The following TEDC1 variants were observed in gnomAD, a reference collection of about 807,000 sequenced individuals.
TEDC1 encodes the protein tubulin epsilon and delta complex 1.
In TEDC1, 54 loss-of-function variants were observed where a neutral mutation model predicts 59.9. The observed-to-expected ratio is 0.90, with a 90% CI of 0.72 to 1.13. The LOEUF (loss-of-function observed/expected upper bound fraction) is 1.13. Among genes scored for constraint, TEDC1 ranks in the 50% most tolerant of loss-of-function variants. The pLI is 0.00. For synonymous variants in TEDC1, 353 were observed against 298.1 expected (o/e 1.18, Z -1.90); for missense variants, 734 against 683.4 (o/e 1.07, Z -0.83).
chr14:105,492,763 G>A lies in TEDC1; in HGVS notation c.585+29G>A, dbSNP rs144433463. On this transcript the variant is annotated intron_variant, in intron 4 of 8. Coordinates refer to ENST00000392523, the MANE Select transcript of TEDC1 (RefSeq NM_001367178.1). ...GAGCTGGCACAGGGCTTCCACTCAG[G>A]GGCTGTGTCCCGTGCTGCAGGCCGC... 8 of 1,536,014 alleles carry A rather than the reference G, an allele frequency of 5.2e-6. No individual in the cohort carries two copies. In the African/African-American group the frequency reaches 9.6e-5, roughly 18 times the overall value.
intron 2 of TEDC1, 54 bp downstream of exon 2, chr14:105,491,754 T>C (rs1191910291): frequency 1.9e-5 from 28 of 1,481,814 alleles, no homozygotes; most frequent in Non-Finnish European, 2.5e-5. Context: ...CGCCTACTCC[T>C]GTAAAGCCCC....
chr14:105,496,944 C>A (rs1270837664), intron 6 of TEDC1: 3 of 249,638 alleles, frequency 1.2e-5, no homozygotes, highest in African/African-American at 4.7e-5. Flanking sequence ...CGCCTGCAGT[C>A]CCCGGATACA....
chr14:105,495,693 C>A, intron 5 of TEDC1, 187 bp from the exon 6 acceptor site: 1 of 597,156 alleles, frequency 1.7e-6, no homozygotes, highest in Non-Finnish European at 2.9e-6. Flanking sequence ...GGCTTCTGGC[C>A]CCTGGGACCC....
intron 6 of TEDC1, chr14:105,496,830 A>G (rs73371856): frequency 0.034 from 5,727 of 167,566 alleles, 310 homozygotes; most frequent in African/African-American, 0.11. Context: ...CACCTGGGTC[A>G]CTAGGCAGAC....
Position 105,499,166 on chromosome 14 carries a change from C to T in TEDC1, c.*220C>T, listed in dbSNP as rs968444987. The T allele has an allele frequency of 6.8e-5, 40 of 588,454 alleles. No individual in the cohort carries two copies. Among genetic ancestry groups the T allele is most frequent in the Admixed American group, 1.6e-4 (5 of 31,958 alleles). The allele number at this position is 588,454 out of a possible 1,614,324, so 36.5% of individuals were successfully genotyped here. A position where few individuals can be genotyped will look rare whatever the true frequency, so the allele number is the denominator to read the frequency against. ...GGAATGGCTGGTCCCTTGAGGAGGT[C>T]GTGACAGGCTCAGCCTGGTGGTCTG... On this transcript the variant is annotated 3_prime_UTR_variant, in exon 9 of 9. Coordinates refer to ENST00000392523, the MANE Select transcript of TEDC1 (RefSeq NM_001367178.1).
chr14:105,494,509 G>A (rs868912631), intron 5 of TEDC1: 1 of 154,736 alleles, frequency 6.5e-6, no homozygotes, highest in Non-Finnish European at 1.4e-5. Context: ...ACCACCCGGG[G>A]GCACGGCGCT....
At position 105,492,593 on chromosome 14, in the gene TEDC1, C is replaced by T. The variant is rs782016272; in HGVS notation, c.444C>T (p.Ala148=). Residue 148 remains alanine, a synonymous_variant, in exon 4 of 9, where the codon GCC becomes GCT. Transcript: ENST00000392523. The stretch of plus-strand genomic sequence containing the variant: ...CCCCTCTCCAGTGTGAGGCCCTGGC[C>T]AGCCCTGGCCCACCTGCACCCCACA... ...EMTVCQCEAL[A]SPGPPAPHME... 13 of 1,539,644 alleles carry T rather than the reference C, an allele frequency of 8.4e-6. No homozygotes were observed. The highest frequency in any genetic ancestry group is 2.0e-5 in the Admixed American group (1 of 50,974).
At position 105,493,825 on chromosome 14, in the gene TEDC1, C is replaced by A; in HGVS notation, c.586-10C>A. On this transcript the variant is annotated splice_polypyrimidine_tract_variant and intron_variant, in intron 4 of 8. Coordinates refer to ENST00000392523, the MANE Select transcript of TEDC1 (RefSeq NM_001367178.1). ...GCCACTCAGCCTGGGGTCTGCACTACCTGTTTTAGATCCACCTGTACACAC... is the reference window on the plus strand; with the variant it reads ...GCCACTCAGCCTGGGGTCTGCACTAACTGTTTTAGATCCACCTGTACACAC... 6.2e-7 allele frequency: 1 copy of A among 1,601,130 alleles called. No individual in the cohort carries two copies. The highest frequency in any genetic ancestry group is 2.2e-5 in the East Asian group (1 of 44,848).
rs782796459 is a variant in TEDC1, at chr14:105,493,531, G to A, written c.586-304G>A. On this transcript the variant is annotated intron_variant, in intron 4 of 8. Coordinates refer to ENST00000392523, the MANE Select transcript of TEDC1 (RefSeq NM_001367178.1). ...CCTGTCCAGAGGCTGTTCCTCCCCC[G>A]ATGCTGCTGGGGAAGCCAGGGCACC... is the stretch of plus-strand genomic sequence containing the variant. 7.4e-4 allele frequency among the ~76,000 whole-genome samples: 113 copies of A among 152,198 alleles called. 2 individuals carry two copies. Among genetic ancestry groups the A allele is most frequent in the South Asian group, 6.2e-4 (3 of 4,828 alleles).
chr14:105,495,502 G>T, intron 5 of TEDC1: 1 of 218,542 alleles, frequency 4.6e-6, no homozygotes, highest in South Asian at 7.9e-5. Context: ...TGGGCTTACA[G>T]GGCCCAACCC....
intron 1 of TEDC1, 28 bp downstream of exon 1, chr14:105,491,550 C>A: frequency 6.5e-7 from 1 of 1,529,260 alleles, no homozygotes. Context: ...GGCAGGCGGG[C>A]CGGGTGGGGT....
At chr14:105,494,129 C>CCA (rs2084287675) in intron 5 of TEDC1, 196 bp downstream of exon 5, 2 of 598,100 alleles carry the variant, frequency 3.3e-6, no homozygotes, top group Non-Finnish European at 6.0e-6. Context: ...GCCTCATGGG[C>CCA]CACTCACCCT....
chr14:105,490,219 A>G (rs1387052917), upstream of TEDC1: 2 of 151,560 alleles, frequency 1.3e-5, no homozygotes, highest in African/African-American at 2.4e-5. Context: ...GTCGGGGGCG[A>G]AGGAGGCCGA....
At position 105,498,026 on chromosome 14, in the gene TEDC1, G is replaced by T. The variant is rs587718377; in HGVS notation, c.1158+49G>T. On this transcript the variant is annotated intron_variant, in intron 8 of 8. Transcript: ENST00000392523. ...CACCAGCCCAGCCCCACCTTCGGGG[G>T]ATGGCTGACCTGAGGGCACTTTGGA... The T allele has an allele frequency of 4.2e-4, 610 of 1,457,756 alleles. 2 individuals carry two copies. The highest frequency in any genetic ancestry group is 6.1e-4 in the South Asian group (45 of 73,224). 90.3% of individuals were successfully genotyped at this position (1,457,756 alleles called of 1,614,324 possible). A position where few individuals can be genotyped will look rare whatever the true frequency, so the allele number is the denominator to read the frequency against.
At chr14:105,493,068 C>T (rs2084253623) in intron 4 of TEDC1, among the ~76,000 whole-genome samples, 1 of 152,192 alleles carries the variant, frequency 6.6e-6, no homozygotes, top group Non-Finnish European at 1.5e-5. Context: ...GCCACTCCCT[C>T]CTGGGCACTG....
intron 5 of TEDC1, 22 bp downstream of exon 5, chr14:105,493,955 CGGGGGGGTGG>C: frequency 1.0e-5 from 1 of 98,966 alleles, no homozygotes; most frequent in South Asian, 9.1e-5. Flanking sequence ...CAAGCTGCTG[CGGGGGGGTGG>C]GGGTGGGCTG....
At chr14:105,491,803 C>G in intron 2 of TEDC1, 103 bp downstream of exon 2, 10 of 1,337,318 alleles carry the variant, frequency 7.5e-6, no homozygotes, top group Non-Finnish European at 1.0e-5. Context: ...GGCTCTAGCC[C>G]CCACCCAACA....
chr14:105,493,265 C>G (rs368315236), intron 4 of TEDC1, among the ~76,000 whole-genome samples: 1 of 152,072 alleles, frequency 6.6e-6, no homozygotes, highest in Non-Finnish European at 1.5e-5. Context: ...CCCACCAGCG[C>G]GGGACTCCTT....
chr14:105,490,968 T>C (rs1232537007), upstream of TEDC1: 9 of 1,449,684 alleles, frequency 6.2e-6, no homozygotes, highest in East Asian at 1.5e-4. Flanking sequence ...TGCGGTGTTC[T>C]CCATATCAAC....
Sources: allele counts gnomAD v4.1 joint callset (sites outside exome capture counted in the v4.1 genomes callset), GRCh38; gene constraint gnomAD v4.1.1; transcripts MANE v1.5; gene names NCBI Gene and HGNC (gene_info 2026-07-23, HGNC 2026-07-21).